STAT5B: variants seen among roughly 807,000 people sequenced by gnomAD.
STAT5B encodes transcription factor STAT5B.
STAT5B carries 21 observed loss-of-function variants against 107.8 expected under a neutral mutation model. The ratio of observed to expected loss-of-function variants is 0.19; its 90% CI spans 0.14 to 0.28. The LOEUF (loss-of-function observed/expected upper bound fraction) is 0.28, where lower values mean the gene tolerates loss of function less well. Among genes scored for constraint, STAT5B ranks in the 10% least tolerant of loss-of-function variants. The pLI is 1.00. For synonymous variants in STAT5B, 325 were observed against 401.7 expected (o/e 0.81, Z 2.28); for missense variants, 565 against 1,008.2 (o/e 0.56, Z 5.95).
At chr17:42,246,008 T>C (rs2080448876) in intron 1 of STAT5B, among the ~76,000 whole-genome samples, 1 of 152,126 alleles carries the variant, frequency 6.6e-6, no homozygotes, top group South Asian at 2.1e-4. Flanking sequence ...AAATGAAAAG[T>C]GTATGCAACA....
Position 42,215,930 on chromosome 17 carries a change from T to C in STAT5B, c.1473+84A>G, listed in dbSNP as rs967998094. Reference sequence around the variant, plus strand: ...AGTCACTGCACCCGGCCTTTTCCTATGCTTTTTAAAAGGATAATACATAAA... The same window carrying C: ...AGTCACTGCACCCGGCCTTTTCCTACGCTTTTTAAAAGGATAATACATAAA... On this transcript the variant is annotated intron_variant, in intron 12 of 18. Transcript: ENST00000293328. 5.4e-6 allele frequency: 8 copies of C among 1,476,870 alleles called. No homozygotes were observed. In the East Asian group the frequency reaches 1.7e-4, roughly 31 times the overall value. The allele number at this position is 1,476,870 out of a possible 1,614,324, so 91.5% of individuals were successfully genotyped here. A position where few individuals can be genotyped will look rare whatever the true frequency, so the allele number is the denominator to read the frequency against.
chr17:42,212,464 G>A (rs781669549), intron 12 of STAT5B, among the ~76,000 whole-genome samples: 2 of 152,120 alleles, frequency 1.3e-5, no homozygotes, highest in African/African-American at 2.4e-5. Flanking sequence ...ATGTTCTAAC[G>A]GCCACAAACC....
chr17:42,264,329 G>A (rs2080647534), intron 1 of STAT5B, among the ~76,000 whole-genome samples: 1 of 150,900 alleles, frequency 6.6e-6, no homozygotes, highest in Admixed American at 6.6e-5. Context: ...CTGGCATTAG[G>A]TATATCTCCC....
intron 16 of STAT5B, among the ~76,000 whole-genome samples, chr17:42,205,475 T>C (rs547944113): frequency 6.6e-6 from 1 of 152,356 alleles, no homozygotes; most frequent in South Asian, 2.1e-4. Context: ...CTCAAGAGGC[T>C]CCAGCCTCCC....
chr17:42,268,186 G>T (rs965112393), intron 1 of STAT5B, among the ~76,000 whole-genome samples: 1 of 152,048 alleles, frequency 6.6e-6, no homozygotes, highest in African/African-American at 2.4e-5. Flanking sequence ...CTCCATTCCT[G>T]TTAAGTACCC....
In STAT5B at chr17:42,201,736, G is replaced by T; in HGVS notation, c.*2C>A. On this transcript the variant is annotated 3_prime_UTR_variant, in exon 19 of 19. Coordinates refer to ENST00000293328, the MANE Select transcript of STAT5B (RefSeq NM_012448.4). ...GAAGCTGAAGATGGAGAGGTCGCGG[G>T]GTCACGATTGTGCGTGCGGGATCCA... The T allele has an allele frequency of 6.4e-7, 1 of 1,566,922 alleles. No individual in the cohort carries two copies. Among genetic ancestry groups the T allele is most frequent in the Non-Finnish European group, 8.8e-7 (1 of 1,136,850 alleles).
intron 5 of STAT5B, among the ~76,000 whole-genome samples, chr17:42,221,170 C>T (rs957464767): frequency 1.3e-5 from 2 of 152,160 alleles, no homozygotes; most frequent in African/African-American, 4.8e-5. Context: ...AGAAATATGG[C>T]TCCAATCTCA....
At chr17:42,254,708 A>G (rs934351920) in intron 1 of STAT5B, among the ~76,000 whole-genome samples, 2 of 152,130 alleles carry the variant, frequency 1.3e-5, no homozygotes, top group East Asian at 1.9e-4. Context: ...AAAAGGAAGA[A>G]AGAGAGAGAG....
intron 1 of STAT5B, among the ~76,000 whole-genome samples, chr17:42,259,025 A>G (rs570574565): frequency 6.6e-6 from 1 of 152,374 alleles, no homozygotes; most frequent in African/African-American, 2.4e-5. Flanking sequence ...CAAAAGGTGA[A>G]TATGATTCTT....
At chr17:42,273,068 A>T (rs762090706) in intron 1 of STAT5B, among the ~76,000 whole-genome samples, 3 of 152,208 alleles carry the variant, frequency 2.0e-5, no homozygotes, top group Non-Finnish European at 2.9e-5. Context: ...ATTAACAGTG[A>T]ATACAATTTT....
At chr17:42,243,967 A>G (rs1598323846) in intron 1 of STAT5B, among the ~76,000 whole-genome samples, 2 of 152,206 alleles carry the variant, frequency 1.3e-5, no homozygotes, top group South Asian at 4.1e-4. Context: ...CACTTTCCAG[A>G]TGACTAAAAG....
chr17:42,274,462 C>T (rs948693640), intron 1 of STAT5B, among the ~76,000 whole-genome samples: 1 of 152,116 alleles, frequency 6.6e-6, no homozygotes, highest in East Asian at 1.9e-4. Context: ...CAAATTGTCA[C>T]ATAGGAAGTT....
intron 1 of STAT5B, among the ~76,000 whole-genome samples, chr17:42,258,161 AATAAATTACATCAGGATGTTTCCAATGTT>A (rs1320286563): frequency 6.6e-6 from 1 of 152,230 alleles, no homozygotes; most frequent in Non-Finnish European, 1.5e-5. Flanking sequence ...TTTTACATTC[AATAAATTACATCAGGATGTTTCCAATGTT>A]ATAATGAACC....
Position 42,266,560 on chromosome 17 carries a change from A to T in STAT5B, c.-11+9688T>A, listed in dbSNP as rs74836129. Among the ~76,000 whole-genome samples the T allele has an allele frequency of 8.1e-3, 1,234 of 151,958 alleles. 16 individuals carry two copies. Among genetic ancestry groups the T allele is most frequent in the African/African-American group, 0.028 (1,170 of 41,484 alleles). ...GTCTCAAAAAATAAAAAAAAAAAAA[A>T]AAAAATCATTCCCTTAAAATTATAT... is the stretch of plus-strand genomic sequence containing the variant. On this transcript the variant is annotated intron_variant, in intron 1 of 18. Transcript: ENST00000293328.
At chr17:42,263,220 A>G (rs2080633994) in intron 1 of STAT5B, among the ~76,000 whole-genome samples, 1 of 150,244 alleles carries the variant, frequency 6.7e-6, no homozygotes, top group African/African-American at 2.5e-5. Context: ...GTAAAAATAT[A>G]CAGGCTACCA....
intron 15 of STAT5B, among the ~76,000 whole-genome samples, chr17:42,208,886 T>C (rs1362988659): frequency 6.6e-6 from 1 of 151,888 alleles, no homozygotes; most frequent in Non-Finnish European, 1.5e-5. Context: ...TGCCCACAAC[T>C]ACACCCGGCT....
In STAT5B at chr17:42,200,941, T is replaced by C. The variant is rs1037287397; in HGVS notation, c.*797A>G. 1.3e-5 allele frequency: 5 copies of C among 397,542 alleles called. No individual in the cohort carries two copies. Among genetic ancestry groups the C allele is most frequent in the African/African-American group, 8.2e-5 (4 of 48,622 alleles). The allele number at this position is 397,542 out of a possible 1,614,324, so 24.6% of individuals were successfully genotyped here. A position where few individuals can be genotyped will look rare whatever the true frequency, so the allele number is the denominator to read the frequency against. On this transcript the variant is annotated 3_prime_UTR_variant, in exon 19 of 19. Transcript: ENST00000293328. ...GCCAGAACACAAACGGCATTGGCACTGTAAGCTCTCAGTTACGTGGCCCTC... is the reference window on the plus strand; with the variant it reads ...GCCAGAACACAAACGGCATTGGCACCGTAAGCTCTCAGTTACGTGGCCCTC...
At chr17:42,281,894 C>T in the STAT5B span, among the ~76,000 whole-genome samples, 1 of 152,188 alleles carries the variant, frequency 6.6e-6, no homozygotes, top group Non-Finnish European at 1.5e-5. Context: ...GAGCAGAGTG[C>T]CACTGCAGCC....
chr17:42,223,535 G>A lies in STAT5B; in HGVS notation c.397C>T (p.Leu133Phe). 3 of 1,614,170 alleles carry A rather than the reference G, an allele frequency of 1.9e-6. No individual in the cohort carries two copies. Among genetic ancestry groups the A allele is most frequent in the African/African-American group, 1.3e-5 (1 of 75,032 alleles). Residue 133 changes from leucine (L) to phenylalanine (F), a missense_variant, in exon 5 of 19, where the codon CTT (leucine) becomes TTT (phenylalanine). Leu to Phe is a conservative substitution (Grantham distance 22, BLOSUM62 0). This residue lies in a region of STAT5B where 54 missense variants were observed against 49.7 expected (regional missense o/e 1.09). Transcript: ENST00000293328. Reference protein sequence around the residue: ...ANNGSSPAGSLADAMSQKHLQ... With the variant: ...ANNGSSPAGSFADAMSQKHLQ... Reference sequence around the variant, plus strand: ...TGTTTCTGGGACATGGCATCAGCAAGGCTTCCAGCTGGAGAGCTACCCTGG... The same window carrying A: ...TGTTTCTGGGACATGGCATCAGCAAAGCTTCCAGCTGGAGAGCTACCCTGG...
Sources: allele counts gnomAD v4.1 joint callset (sites outside exome capture counted in the v4.1 genomes callset), GRCh38; gene constraint gnomAD v4.1.1; regional missense constraint gnomAD v4.1.1; transcripts MANE v1.5; gene names NCBI Gene and HGNC (gene_info 2026-07-23, HGNC 2026-07-21).